The following PPP1R12A variants were observed in gnomAD, a reference collection of about 807,000 sequenced individuals.
PPP1R12A encodes the protein myosin binding subunit.
In PPP1R12A, 19 loss-of-function variants were observed where a neutral mutation model predicts 139.6. The ratio of observed to expected loss-of-function variants is 0.14; its 90% CI spans 0.09 to 0.20. The LOEUF (loss-of-function observed/expected upper bound fraction) is 0.20, where lower values mean the gene tolerates loss of function less well. Ranked by LOEUF, PPP1R12A falls within the 10% of genes least tolerant of loss-of-function variation. PPP1R12A has a pLI of 1.00. For missense variants in PPP1R12A, 925 were observed against 1,211.5 expected, an observed-to-expected ratio of 0.76 and a Z score of 3.51; for synonymous variants, 427 against 420.6, an observed-to-expected ratio of 1.02 and a Z score of -0.19.
chr12:79,818,038 G>A (rs1875621872), intron 8 of PPP1R12A, among the ~76,000 whole-genome samples: 2 of 152,108 alleles, frequency 1.3e-5, no homozygotes, highest in Admixed American at 1.3e-4. Flanking sequence ...AAAGTCTAAA[G>A]TTAAATGGGC....
intron 9 of PPP1R12A, among the ~76,000 whole-genome samples, chr12:79,812,235 AT>A (rs1407535507): frequency 6.6e-6 from 1 of 152,136 alleles, no homozygotes. Context: ...GCACCTTTTA[AT>A]TTTACTTGAT....
Position 79,797,347 on chromosome 12 carries a change from T to G in PPP1R12A, c.2140A>C (p.Ser714Arg). ...LQEAEKTIGR[S>R]RSTRTREQEN... ...TGTTCTCTGGTTCGGGTAGAACGAC[T>G]TCTTCCTATTGTTTTCTCAGCTTCT... Residue 714 changes from serine (S) to arginine (R), a missense_variant, in exon 16 of 25, where the codon AGT (serine) becomes CGT (arginine). Physicochemically the swap from Ser to Arg is moderately radical, Grantham distance 110. Coordinates refer to ENST00000450142, the MANE Select transcript of PPP1R12A (RefSeq NM_002480.3). 1 of 1,603,708 alleles carries G rather than the reference T, an allele frequency of 6.2e-7. No homozygotes were observed. Among genetic ancestry groups the G allele is most frequent in the Non-Finnish European group, 8.5e-7 (1 of 1,174,936 alleles).
intron 2 of PPP1R12A, among the ~76,000 whole-genome samples, chr12:79,855,588 C>G (rs1880551039): frequency 6.6e-6 from 1 of 152,028 alleles, no homozygotes; most frequent in African/African-American, 2.4e-5. Flanking sequence ...TACATTTCCA[C>G]CAGCAGAAGA....
At position 79,775,675 on chromosome 12, in the gene PPP1R12A, A is replaced by AT. The variant is rs1350913814; in HGVS notation, c.*253dup. On this transcript the variant is annotated 3_prime_UTR_variant, in exon 25 of 25. Coordinates refer to ENST00000450142, the MANE Select transcript of PPP1R12A (RefSeq NM_002480.3). ...AAGTTTTCTCAGTCATTAAAAAAAAATCTTCTCAGCAGCTGCATTAACATG... is the reference window on the plus strand; with the variant it reads ...AAGTTTTCTCAGTCATTAAAAAAAAATTCTTCTCAGCAGCTGCATTAACATG... 1 of 265,282 alleles carries AT rather than the reference A, an allele frequency of 3.8e-6. No homozygotes were observed. Among genetic ancestry groups the AT allele is most frequent in the African/African-American group, 2.2e-5 (1 of 44,856 alleles). 16.4% of individuals were successfully genotyped at this position (265,282 alleles called of 1,614,324 possible). A position where few individuals can be genotyped will look rare whatever the true frequency, so the allele number is the denominator to read the frequency against.
chr12:79,902,997 C>T (rs927178724), intron 1 of PPP1R12A, among the ~76,000 whole-genome samples: 2 of 151,954 alleles, frequency 1.3e-5, no homozygotes, highest in Non-Finnish European at 2.9e-5. Context: ...CACACGTGTA[C>T]GTGTAAGAAA....
intron 14 of PPP1R12A, among the ~76,000 whole-genome samples, chr12:79,799,547 T>A (rs1050739390): frequency 1.3e-5 from 2 of 152,202 alleles, no homozygotes; most frequent in African/African-American, 2.4e-5. Context: ...AGTGTTTTTT[T>A]ATATATAAAC....
At chr12:79,921,814 A>T (rs1295612041) in intron 1 of PPP1R12A, among the ~76,000 whole-genome samples, 1 of 152,232 alleles carries the variant, frequency 6.6e-6, no homozygotes, top group Non-Finnish European at 1.5e-5. Flanking sequence ...TAACTTCAAA[A>T]TTTTCAAACA....
At chr12:79,932,323 C>T (rs1257878707) in intron 1 of PPP1R12A, among the ~76,000 whole-genome samples, 4 of 152,092 alleles carry the variant, frequency 2.6e-5, no homozygotes, top group African/African-American at 9.7e-5. Context: ...CTTTCACTAA[C>T]TGTTGTCCTA....
chr12:79,875,126 T>C (rs1882974671), intron 1 of PPP1R12A, among the ~76,000 whole-genome samples: 1 of 152,196 alleles, frequency 6.6e-6, no homozygotes, highest in Non-Finnish European at 1.5e-5. Flanking sequence ...ACTCCATAAT[T>C]TTCAGATTAG....
intron 1 of PPP1R12A, among the ~76,000 whole-genome samples, chr12:79,897,094 G>A (rs1885197317): frequency 6.6e-6 from 1 of 152,170 alleles, no homozygotes; most frequent in African/African-American, 2.4e-5. Context: ...CATGTCCATT[G>A]CTGCGCCATG....
intron 2 of PPP1R12A, among the ~76,000 whole-genome samples, chr12:79,847,497 A>G (rs750777126): frequency 3.9e-5 from 6 of 152,156 alleles, no homozygotes; most frequent in Non-Finnish European, 7.4e-5. Context: ...TTCTCCTTTT[A>G]TGAACTGCTT....
In PPP1R12A at chr12:79,774,552, A is replaced by G. The variant is rs887741062; in HGVS notation, c.*1377T>C. ...GCCAGAAAGATGTAGTATTTTTTGC[A>G]TGGTTTAATGAAAATATAAAAGCTA... On this transcript the variant is annotated 3_prime_UTR_variant, in exon 25 of 25. Transcript: ENST00000450142. 4.6e-5 allele frequency: 7 copies of G among 152,352 alleles called. No individual in the cohort carries two copies. The highest frequency in any genetic ancestry group is 1.2e-4 in the African/African-American group (5 of 41,382). 9.4% of individuals were successfully genotyped at this position (152,352 alleles called of 1,614,324 possible).
intron 9 of PPP1R12A, among the ~76,000 whole-genome samples, chr12:79,813,825 A>G (rs1874907054): frequency 6.6e-6 from 1 of 152,222 alleles, no homozygotes; most frequent in Admixed American, 6.5e-5. Context: ...AAGTTATTAA[A>G]AGAAAATAAG....
chr12:79,806,109 G>A (rs895009837), intron 13 of PPP1R12A, 57 bp downstream of exon 13: 19 of 1,519,774 alleles, frequency 1.3e-5, no homozygotes, highest in East Asian at 2.3e-5. Flanking sequence ...AAACAAAAAC[G>A]CATGCACATA....
In PPP1R12A at chr12:79,934,628, G is replaced by A. The variant is rs1888532253; in HGVS notation, c.237+67C>T. The A allele has an allele frequency of 5.8e-6, 8 of 1,383,394 alleles. No individual in the cohort carries two copies. In the Admixed American group the frequency reaches 1.6e-4, roughly 27 times the overall value. The allele number at this position is 1,383,394 out of a possible 1,614,324, so 85.7% of individuals were successfully genotyped here. ...AGCCTCAAGAGGTGGAGAACTGAGG[G>A]CAGGCCCGAGCAGGAGGCCGACGAG... On this transcript the variant is annotated intron_variant, in intron 1 of 24. Coordinates refer to ENST00000450142, the MANE Select transcript of PPP1R12A (RefSeq NM_002480.3).
At chr12:79,787,527 T>G (rs1392280050) in intron 21 of PPP1R12A, 1 of 152,238 alleles carries the variant, frequency 6.6e-6, no homozygotes, top group Non-Finnish European at 1.5e-5. Context: ...TCTTTTTTTT[T>G]GAGATAACAG....
intron 20 of PPP1R12A, among the ~76,000 whole-genome samples, chr12:79,789,268 G>A (rs1235435800): frequency 6.6e-6 from 1 of 152,046 alleles, no homozygotes; most frequent in Non-Finnish European, 1.5e-5. Context: ...CATTAATTGA[G>A]GAAGAGAGTC....
intron 18 of PPP1R12A, among the ~76,000 whole-genome samples, chr12:79,794,713 G>T (rs1872296823): frequency 6.6e-6 from 1 of 152,040 alleles, no homozygotes; most frequent in South Asian, 2.1e-4. Flanking sequence ...TATAGTGAGA[G>T]ATGGGTCAGT....
intron 2 of PPP1R12A, among the ~76,000 whole-genome samples, chr12:79,856,109 T>C (rs957995430): frequency 5.1e-4 from 77 of 152,336 alleles, no homozygotes; most frequent in African/African-American, 1.5e-3. Flanking sequence ...CCTAGTTTTC[T>C]TGCCCAACCT....
Sources: gnomAD v4.1 joint callset for allele counts (sites outside exome capture counted in the v4.1 genomes callset) on GRCh38, gnomAD v4.1.1 for gene constraint, MANE v1.5 for transcripts, NCBI Gene and HGNC (gene_info 2026-07-23, HGNC 2026-07-21) for gene names.